Variants in PDGFRA observed in about 807,000 individuals in gnomAD.
PDGFRA encodes platelet derived growth factor receptor alpha.
PDGFRA carries 25 observed loss-of-function variants against 121.5 expected under a neutral mutation model. The observed-to-expected ratio is 0.21, with a 90% CI of 0.15 to 0.29. PDGFRA has a LOEUF of 0.29. PDGFRA is among the 10% of genes least tolerant of loss of function. The pLI, the probability that PDGFRA is intolerant of heterozygous loss-of-function variation, is 1.00. For missense variants in PDGFRA, 1,008 were observed against 1,345.1 expected (o/e 0.75, Z 3.92); for synonymous variants, 463 against 494.8 (o/e 0.94, Z 0.85).
intron 1 of PDGFRA, chr4:54,230,549 G>A (rs907482629): frequency 2.0e-5 from 3 of 152,336 alleles, no homozygotes; most frequent in African/African-American, 7.2e-5. Context: ...CCAGGAAGGT[G>A]CCGAACTTCT....
At chr4:54,229,846 A>G (rs1172813111) in intron 1 of PDGFRA, 1 of 149,454 alleles carries the variant, frequency 6.7e-6, no homozygotes, top group African/African-American at 2.5e-5. Flanking sequence ...GGAAGGCGAC[A>G]GGTTTTAAAT....
chr4:54,233,304 C>T (rs968602367), intron 1 of PDGFRA, among the ~76,000 whole-genome samples: 3 of 152,200 alleles, frequency 2.0e-5, no homozygotes, highest in African/African-American at 4.8e-5. Context: ...CCTCTGGGTC[C>T]CGGGGTCAGA....
chr4:54,267,821 C>A (rs1723128592), intron 7 of PDGFRA, 80 bp downstream of exon 7: 1 of 1,126,380 alleles, frequency 8.9e-7, no homozygotes, highest in Non-Finnish European at 1.3e-6. Context: ...GTCTTACAAC[C>A]CAGACCCAAA....
intron 8 of PDGFRA, among the ~76,000 whole-genome samples, chr4:54,271,949 CTTCA>C (rs1159999948): frequency 1.8e-5 from 1 of 55,330 alleles, no homozygotes; most frequent in Non-Finnish European, 3.6e-5. Flanking sequence ...TCCTTCCTTC[CTTCA>C]TTCTCCCCTC....
intron 1 of PDGFRA, among the ~76,000 whole-genome samples, chr4:54,230,864 C>T (rs541184335): frequency 6.6e-6 from 1 of 152,350 alleles, no homozygotes; most frequent in East Asian, 1.9e-4. Context: ...TTAACTCCGC[C>T]CGGCTGCGCC....
chr4:54,288,964 C>G (rs1724494057), intron 20 of PDGFRA, 45 bp from the exon 21 acceptor site: 2 of 1,508,272 alleles, frequency 1.3e-6, no homozygotes, highest in Non-Finnish European at 1.8e-6. Context: ...AGGGAGGGGC[C>G]CTGAGACTTC....
intron 11 of PDGFRA, 21 bp downstream of exon 11, chr4:54,274,646 C>T (rs2110297309): frequency 6.3e-7 from 1 of 1,579,866 alleles, no homozygotes; most frequent in Non-Finnish European, 8.7e-7. Context: ...TCTCATAAAA[C>T]TAAAGATCTT....
intron 16 of PDGFRA, among the ~76,000 whole-genome samples, chr4:54,284,394 A>G (rs1219788954): frequency 6.6e-6 from 1 of 152,118 alleles, no homozygotes; most frequent in Non-Finnish European, 1.5e-5. Context: ...ATAAAGAAAT[A>G]CCTGAGACTG....
At chr4:54,269,963 T>G (rs985870899) in intron 7 of PDGFRA, among the ~76,000 whole-genome samples, 1 of 152,036 alleles carries the variant, frequency 6.6e-6, no homozygotes, top group African/African-American at 2.4e-5. Context: ...ATAACTTTTT[T>G]TTAATAGGTG....
intron 1 of PDGFRA, among the ~76,000 whole-genome samples, chr4:54,244,039 G>A (rs912091336): frequency 2.0e-5 from 3 of 152,234 alleles, no homozygotes; most frequent in African/African-American, 7.2e-5. Context: ...GCCCAGGCTT[G>A]CTTAGGTAAA....
At chr4:54,246,158 C>T (rs565796021) in intron 1 of PDGFRA, among the ~76,000 whole-genome samples, 8 of 152,182 alleles carry the variant, frequency 5.3e-5, no homozygotes, top group African/African-American at 9.6e-5. Flanking sequence ...GACAGATCAA[C>T]GAGACAAAAA....
At chr4:54,278,789 A>T (rs578044968) in intron 15 of PDGFRA, 8 of 591,254 alleles carry the variant, frequency 1.4e-5, no homozygotes, top group Admixed American at 8.6e-5. Context: ...TGCTATTTAC[A>T]TGTGATCCAC....
rs150801572 is a variant in PDGFRA at position 54,263,767 on chromosome 4, G to A, written c.468G>A (p.Glu156=). 1 of 1,614,052 alleles carries A rather than the reference G, an allele frequency of 6.2e-7. No homozygotes were observed. Among genetic ancestry groups the A allele is most frequent in the Non-Finnish European group, 8.5e-7 (1 of 1,179,994 alleles). The change falls in exon 4 of 23, where the codon GAG becomes GAA. Residue 156 remains glutamate (E), a synonymous_variant. Coordinates refer to ENST00000257290, the MANE Select transcript of PDGFRA (RefSeq NM_006206.6). ...AIIPCRTTDP[E]TPVTLHNSEG... ...TACCTTGTCGCACAACTGATCCCGA[G>A]ACTCCTGTAACCTTACACAACAGTG...
Position 54,265,096 on chromosome 4 carries a change from C to T in PDGFRA, c.759+47C>T, listed in dbSNP as rs764373086. The stretch of plus-strand genomic sequence containing the variant: ...AATGGCTTGGAGCAGAGCAACAGGG[C>T]TCAGAAGACCTGCATTTGAGCTCGG... On this transcript the variant is annotated intron_variant, in intron 5 of 22. Coordinates refer to ENST00000257290, the MANE Select transcript of PDGFRA (RefSeq NM_006206.6). The T allele has an allele frequency of 3.1e-6, 5 of 1,596,776 alleles. No homozygotes were observed. The Admixed American group carries it at 8.3e-5, about 27-fold the overall frequency.
rs1060501500 is a variant in PDGFRA at position 54,274,614 on chromosome 4, A to T, written c.1642A>T (p.Ile548Phe). The change falls in exon 11 of 23, where the codon ATT becomes TTT. Residue 548 changes from isoleucine to phenylalanine, a missense_variant. Physicochemically the swap from Ile to Phe is conservative, Grantham distance 21. This residue lies in a region of PDGFRA where 575 missense variants were observed against 701.8 expected (regional missense o/e 0.82). Transcript: ENST00000257290. ...CATCTCACTTATTGTCCTGGTTGTC[A>T]TTTGGAAACAGGTAGATATTTTCTC... is the stretch of plus-strand genomic sequence containing the variant. ...VIISLIVLVV[I>F]WKQKPRYEIR... The T allele has an allele frequency of 6.2e-7, 1 of 1,611,330 alleles. No homozygotes were observed. The highest frequency in any genetic ancestry group is 8.5e-7 in the Non-Finnish European group (1 of 1,177,432).
chr4:54,279,251 C>T (rs377506795), intron 15 of PDGFRA, among the ~76,000 whole-genome samples: 7 of 152,180 alleles, frequency 4.6e-5, no homozygotes, highest in South Asian at 4.1e-4. Flanking sequence ...TCAGGATGTG[C>T]GGGCTCCTGC....
chr4:54,276,643 A>G (rs1200544057), intron 12 of PDGFRA: 1 of 152,268 alleles, frequency 6.6e-6, no homozygotes, highest in East Asian at 1.9e-4. Flanking sequence ...ATACCTTTCC[A>G]GGTACGATTT....
intron 16 of PDGFRA, among the ~76,000 whole-genome samples, chr4:54,281,408 CA>C (rs1414438373): frequency 6.6e-6 from 1 of 152,240 alleles, no homozygotes; most frequent in African/African-American, 2.4e-5. Context: ...GTTTGTTTTG[CA>C]AAGCTCAGTA....
rs1060501518 is a variant in PDGFRA, at chr4:54,290,546, C to G, written c.3114C>G (p.Asn1038Lys). The G allele has an allele frequency of 1.2e-6, 2 of 1,614,212 alleles. No individual in the cohort carries two copies. Among genetic ancestry groups the G allele is most frequent in the Non-Finnish European group, 1.7e-6 (2 of 1,180,036 alleles). Residue 1038 changes from asparagine (N) to lysine (K), a missense_variant, in exon 22 of 23, where the codon AAC becomes AAG. Physicochemically the swap from Asn to Lys is moderately conservative, Grantham distance 94. This residue lies in a region of PDGFRA where 204 missense variants were observed against 243.0 expected (regional missense o/e 0.84). Coordinates refer to ENST00000257290, the MANE Select transcript of PDGFRA (RefSeq NM_006206.6). ...VPEEEDLGKR[N>K]RHSSQTSEES... ...AGGAGGAGGACCTGGGCAAGAGGAA[C>G]AGACACAGGTAGCTGTGGGGGCAGC...
Sources: allele counts gnomAD v4.1 joint callset (sites outside exome capture counted in the v4.1 genomes callset), GRCh38; gene constraint gnomAD v4.1.1; regional missense constraint gnomAD v4.1.1; transcripts MANE v1.5; gene names NCBI Gene and HGNC (gene_info 2026-07-23, HGNC 2026-07-21).